MLLT3: variants seen among roughly 807,000 people sequenced by gnomAD.
MLLT3 encodes the protein MLLT3 super elongation complex subunit.
Under a neutral mutation model 53.2 loss-of-function variants are expected in MLLT3, and 4 were observed. The observed-to-expected ratio is 0.08, with a 90% CI of 0.04 to 0.17. The LOEUF is 0.17. Among genes scored for constraint, MLLT3 ranks in the 10% least tolerant of loss-of-function variants. MLLT3 has a pLI of 1.00. For missense variants in MLLT3, 569 were observed against 684.0 expected (o/e 0.83, Z 1.87); for synonymous variants, 283 against 230.6 (o/e 1.23, Z -2.06).
intron 2 of MLLT3, among the ~76,000 whole-genome samples, chr9:20,593,648 A>C (rs1820182120): frequency 6.6e-6 from 1 of 152,130 alleles, no homozygotes; most frequent in African/African-American, 2.4e-5. Context: ...CCTGCAATTT[A>C]AACTAACTCT....
At chr9:20,352,925 T>C (rs1000811561) in intron 10 of MLLT3, among the ~76,000 whole-genome samples, 20 of 152,136 alleles carry the variant, frequency 1.3e-4, no homozygotes, top group African/African-American at 4.6e-4. Flanking sequence ...CATCATTAAC[T>C]GAATGAAAAT....
In MLLT3 at chr9:20,380,648, T is replaced by G. The variant is rs528505552; in HGVS notation, c.1126-14904A>C. On this transcript the variant is annotated intron_variant, in intron 5 of 10. Transcript: ENST00000380338. ...TTTCTTCCTATGTAGTAAAGGCTGC[T>G]TATTACCTTTTATCCACTACACTTA... 7.9e-5 allele frequency among the ~76,000 whole-genome samples: 12 copies of G among 152,114 alleles called. No individual in the cohort carries two copies. The South Asian group carries it at 1.7e-3, about 21-fold the overall frequency.
At chr9:20,449,621 T>G (rs1474081073) in intron 3 of MLLT3, among the ~76,000 whole-genome samples, 1 of 152,092 alleles carries the variant, frequency 6.6e-6, no homozygotes, top group Non-Finnish European at 1.5e-5. Flanking sequence ...GACTCAAGGG[T>G]CTTTGCACCT....
chr9:20,431,123 ATAAC>A (rs1823258388), intron 4 of MLLT3, among the ~76,000 whole-genome samples: 1 of 152,176 alleles, frequency 6.6e-6, no homozygotes. Flanking sequence ...CTAAATTGCT[ATAAC>A]TATTATATAA....
chr9:20,413,509 C>G (rs1458242042), intron 5 of MLLT3, among the ~76,000 whole-genome samples: 1 of 152,306 alleles, frequency 6.6e-6, no homozygotes, highest in South Asian at 2.1e-4. Flanking sequence ...CCTTTAACAA[C>G]TTAAATAACA....
intron 5 of MLLT3, among the ~76,000 whole-genome samples, chr9:20,381,232 T>G (rs1260474086): frequency 6.6e-6 from 1 of 151,950 alleles, no homozygotes; most frequent in African/African-American, 2.4e-5. Context: ...TTATCGGGAT[T>G]AGCATTCATA....
intron 5 of MLLT3, among the ~76,000 whole-genome samples, chr9:20,388,681 A>C (rs1428861774): frequency 6.6e-6 from 1 of 152,166 alleles, no homozygotes; most frequent in African/African-American, 2.4e-5. Flanking sequence ...AGAAAGGAAA[A>C]AAAAACCACC....
In MLLT3 at chr9:20,620,730, C is replaced by A; in HGVS notation, c.117G>T (p.Pro39=). The stretch of plus-strand genomic sequence containing the variant: ...CAAAGTGCTGTATGTTACTGTGCTC[C>A]GGACCGCGTACGAACACCATCCAGT... ...THDWMVFVRG[P]EHSNIQHFVE... is the part of the protein sequence containing the mutation. The change falls in exon 2 of 11, where the codon CCG becomes CCT. Residue 39 remains proline, a synonymous_variant. Coordinates refer to ENST00000380338, the MANE Select transcript of MLLT3 (RefSeq NM_004529.4). The surrounding 1 kb of genome is among the most constrained non-coding windows in gnomAD (Gnocchi z 6.1). 1 of 1,614,166 alleles carries A rather than the reference C, an allele frequency of 6.2e-7. No homozygotes were observed. The highest frequency in any genetic ancestry group is 1.1e-5 in the South Asian group (1 of 91,086).
intron 2 of MLLT3, among the ~76,000 whole-genome samples, chr9:20,610,713 G>A (rs1820679995): frequency 6.6e-6 from 1 of 152,154 alleles, no homozygotes; most frequent in Non-Finnish European, 1.5e-5. Context: ...AGGAAAAAGA[G>A]ATAACATATA....
At chr9:20,460,490 C>A (rs1212878242) in intron 2 of MLLT3, among the ~76,000 whole-genome samples, 1 of 152,160 alleles carries the variant, frequency 6.6e-6, no homozygotes, top group South Asian at 2.1e-4. Flanking sequence ...AAATATCCAG[C>A]CCAGATGTTA....
At chr9:20,530,060 G>A (rs1176136248) in intron 2 of MLLT3, among the ~76,000 whole-genome samples, 2 of 152,086 alleles carry the variant, frequency 1.3e-5, no homozygotes, top group Admixed American at 6.5e-5. Flanking sequence ...TTTTTGAAAT[G>A]CCTCCTATTT....
At chr9:20,569,411 C>G (rs1289265263) in intron 2 of MLLT3, among the ~76,000 whole-genome samples, 1 of 152,102 alleles carries the variant, frequency 6.6e-6, no homozygotes, top group Non-Finnish European at 1.5e-5. Context: ...GAAATCTAGG[C>G]TCATTCCCTC....
intron 2 of MLLT3, among the ~76,000 whole-genome samples, chr9:20,478,083 G>C (rs1346119927): frequency 6.6e-6 from 1 of 151,748 alleles, no homozygotes; most frequent in Non-Finnish European, 1.5e-5. Flanking sequence ...ACCCTGCCCT[G>C]GGGCTTAGTG....
At chr9:20,413,204 G>C (rs1026987352) in intron 5 of MLLT3, among the ~76,000 whole-genome samples, 1 of 152,096 alleles carries the variant, frequency 6.6e-6, no homozygotes, top group Non-Finnish European at 1.5e-5. Context: ...CATATGTGTA[G>C]TATATTGTTA....
rs550897516 is a variant in MLLT3 at position 20,566,338 on chromosome 9, C to T, written c.193+54316G>A. ...AGAGGGGATGTGAAGGACCCTTCTG[C>T]CCCCTAACAAAATAAACACTTATTG... On this transcript the variant is annotated intron_variant, in intron 2 of 10. Transcript: ENST00000380338. Among the ~76,000 whole-genome samples the T allele has an allele frequency of 1.1e-4, 16 of 151,816 alleles. 1 individual carries two copies. The South Asian group carries it at 3.1e-3, about 30-fold the overall frequency.
At chr9:20,506,586 T>G (rs984180715) in intron 2 of MLLT3, among the ~76,000 whole-genome samples, 14 of 152,186 alleles carry the variant, frequency 9.2e-5, no homozygotes, top group African/African-American at 3.4e-4. Context: ...TATTATGCAT[T>G]CCAAATCACA....
At chr9:20,378,614 T>C (rs2118689199) in intron 5 of MLLT3, among the ~76,000 whole-genome samples, 1 of 152,220 alleles carries the variant, frequency 6.6e-6, no homozygotes, top group African/African-American at 2.4e-5. Flanking sequence ...TCTGTGGCTC[T>C]ATTTTAGAGT....
intron 8 of MLLT3, among the ~76,000 whole-genome samples, chr9:20,358,119 T>C (rs1468497727): frequency 6.6e-6 from 1 of 152,104 alleles, no homozygotes; most frequent in African/African-American, 2.4e-5. Flanking sequence ...AATTAAGATA[T>C]ACTAGTAATT....
At chr9:20,538,048 A>G (rs1181781682) in intron 2 of MLLT3, among the ~76,000 whole-genome samples, 2 of 152,202 alleles carry the variant, frequency 1.3e-5, no homozygotes, top group Non-Finnish European at 2.9e-5. Context: ...AAAGTCTCCC[A>G]TTATACCATC....
Sources: gnomAD v4.1 joint callset for allele counts (sites outside exome capture counted in the v4.1 genomes callset) on GRCh38, gnomAD v4.1.1 for gene constraint, Gnocchi (gnomAD v3.1) non-coding constraint, MANE v1.5 for transcripts, NCBI Gene and HGNC (gene_info 2026-07-23, HGNC 2026-07-21) for gene names.